The following KATNAL1 variants were observed in gnomAD, a reference collection of about 807,000 sequenced individuals.
KATNAL1 encodes katanin p60 ATPase-containing subunit A-like 1.
KATNAL1 carries 32 observed loss-of-function variants against 55.2 expected under a neutral mutation model. The ratio of observed to expected loss-of-function variants is 0.58; its 90% CI spans 0.44 to 0.78. The LOEUF is 0.78. Among genes scored for constraint, KATNAL1 ranks in the 30% least tolerant of loss-of-function variants. The probability of loss-of-function intolerance (pLI) is 0.00; values close to 1 mark genes in which losing one functional copy is unlikely to be tolerated. For missense variants in KATNAL1, 466 were observed against 600.9 expected (o/e 0.78, Z 2.35); for synonymous variants, 193 against 193.6 (o/e 1.00, Z 0.02).
intron 3 of KATNAL1, 108 bp from the exon 4 acceptor site, chr13:30,255,723 A>C (rs1593896296): frequency 3.3e-5 from 37 of 1,111,576 alleles, no homozygotes; most frequent in Non-Finnish European, 4.2e-5. Flanking sequence ...AAAAAGCCCG[A>C]AAGCTAATTT....
chr13:30,238,890 T>TA (rs1422811356), intron 6 of KATNAL1, among the ~76,000 whole-genome samples: 1 of 152,136 alleles, frequency 6.6e-6, no homozygotes, highest in Non-Finnish European at 1.5e-5. Context: ...GAAAGGCACA[T>TA]ATAAACCTAA....
At chr13:30,244,474 G>A (rs886818747) in intron 4 of KATNAL1, among the ~76,000 whole-genome samples, 6 of 152,086 alleles carry the variant, frequency 3.9e-5, no homozygotes, top group African/African-American at 1.2e-4. Flanking sequence ...GGGTATTTCT[G>A]GTTCTAGATC....
intron 9 of KATNAL1, among the ~76,000 whole-genome samples, chr13:30,226,923 A>C (rs1347119110): frequency 6.6e-6 from 1 of 152,166 alleles, no homozygotes; most frequent in Non-Finnish European, 1.5e-5. Context: ...TAAAAACACC[A>C]AAATTAGCTG....
chr13:30,226,846 G>A (rs752780490), intron 9 of KATNAL1, among the ~76,000 whole-genome samples: 2 of 152,172 alleles, frequency 1.3e-5, no homozygotes, highest in Non-Finnish European at 2.9e-5. Context: ...TGAGGCCGAG[G>A]CGGGAAATCA....
At chr13:30,231,677 G>T (rs1235767568) in intron 6 of KATNAL1, among the ~76,000 whole-genome samples, 2 of 152,052 alleles carry the variant, frequency 1.3e-5, no homozygotes, top group African/African-American at 4.8e-5. Flanking sequence ...CAAGCCAGAG[G>T]TAGTCAGAGA....
Position 30,286,194 on chromosome 13 carries a change from CAA to C in KATNAL1, c.-14-2405_-14-2404del, listed in dbSNP as rs372760186. Among the ~76,000 whole-genome samples the C allele has an allele frequency of 7.2e-5, 11 of 152,330 alleles. No homozygotes were observed. In the East Asian group the frequency reaches 2.1e-3, roughly 29 times the overall value. ...CAGCTGCAGAAATTTGCATAAGTAA[CAA>C]GGAATCAAAAGCTAATCACCAAGAC... is the stretch of plus-strand genomic sequence containing the variant. On this transcript the variant is annotated intron_variant, in intron 1 of 10. Coordinates refer to ENST00000380615, the MANE Select transcript of KATNAL1 (RefSeq NM_032116.5).
chr13:30,301,881 T>A (rs1882878585), intron 1 of KATNAL1, among the ~76,000 whole-genome samples: 2 of 152,344 alleles, frequency 1.3e-5, no homozygotes, highest in East Asian at 3.9e-4. Context: ...TATGTATTTA[T>A]TTATTTTTGA....
chr13:30,302,877 T>C (rs1882949994), intron 1 of KATNAL1, among the ~76,000 whole-genome samples: 1 of 152,176 alleles, frequency 6.6e-6, no homozygotes, highest in Admixed American at 6.5e-5. Context: ...GTTTGATAAA[T>C]GTCCACAAAA....
chr13:30,267,745 A>G (rs1312256793), intron 3 of KATNAL1, among the ~76,000 whole-genome samples: 2 of 152,238 alleles, frequency 1.3e-5, no homozygotes, highest in Non-Finnish European at 2.9e-5. Flanking sequence ...TGATCTTACC[A>G]TAAGGTAAGT....
chr13:30,211,643 C>T (rs1248719755), intron 9 of KATNAL1, among the ~76,000 whole-genome samples: 1 of 152,158 alleles, frequency 6.6e-6, no homozygotes, highest in African/African-American at 2.4e-5. Flanking sequence ...AATTCTCCCC[C>T]AATTGATCTT....
chr13:30,274,907 G>GCGCGCGCGCGCGCGCACACACACACACA (rs869107567), intron 3 of KATNAL1, among the ~76,000 whole-genome samples: 1 of 105,390 alleles, frequency 9.5e-6, no homozygotes, highest in Non-Finnish European at 1.9e-5. Flanking sequence ...GCGCGCGCGC[G>GCGCGCGCGCGCGCGCACACACACACACA]CACACACACA....
At chr13:30,221,919 C>T (rs1874903577) in intron 9 of KATNAL1, among the ~76,000 whole-genome samples, 2 of 152,124 alleles carry the variant, frequency 1.3e-5, no homozygotes, top group Non-Finnish European at 1.5e-5. Flanking sequence ...GGTGCAGTGG[C>T]ACACACCTGT....
At chr13:30,225,149 G>A (rs1593846869) in intron 9 of KATNAL1, among the ~76,000 whole-genome samples, 2 of 152,136 alleles carry the variant, frequency 1.3e-5, no homozygotes, top group Admixed American at 1.3e-4. Context: ...AAGGTTAGGA[G>A]TCTCAGTGGA....
In KATNAL1 at chr13:30,203,555, T is replaced by G. The variant is rs900692622; in HGVS notation, c.*4985A>C. The G allele has an allele frequency of 6.6e-6, 1 of 152,218 alleles. No individual in the cohort carries two copies. The highest frequency in any genetic ancestry group is 1.5e-5 in the Non-Finnish European group (1 of 68,032). 9.4% of individuals were successfully genotyped at this position (152,218 alleles called of 1,614,324 possible). A position where few individuals can be genotyped will look rare whatever the true frequency, so the allele number is the denominator to read the frequency against. ...TTCTCTATACAAATTCCCTATTTTT[T>G]TGTGTCAAATTTCCATATGTACAAA... On this transcript the variant is annotated 3_prime_UTR_variant, in exon 11 of 11. Coordinates refer to ENST00000380615, the MANE Select transcript of KATNAL1 (RefSeq NM_032116.5).
At chr13:30,254,982 C>G (rs927665681) in intron 4 of KATNAL1, among the ~76,000 whole-genome samples, 4 of 152,070 alleles carry the variant, frequency 2.6e-5, no homozygotes, top group Admixed American at 6.6e-5. Context: ...GGGGAATCTT[C>G]TCAAGGAAAA....
intron 1 of KATNAL1, among the ~76,000 whole-genome samples, chr13:30,286,341 T>C (rs1881786548): frequency 6.6e-6 from 1 of 152,232 alleles, no homozygotes; most frequent in African/African-American, 2.4e-5. Flanking sequence ...CTCTGCTGTG[T>C]GCAGCCTCGG....
chr13:30,301,281 A>C (rs950581853), intron 1 of KATNAL1, among the ~76,000 whole-genome samples: 1 of 152,146 alleles, frequency 6.6e-6, no homozygotes, highest in African/African-American at 2.4e-5. Context: ...GAGGCGGCAG[A>C]AGCTTGAACC....
At chr13:30,213,062 C>T (rs557384547) in intron 9 of KATNAL1, among the ~76,000 whole-genome samples, 5 of 152,296 alleles carry the variant, frequency 3.3e-5, no homozygotes, top group Admixed American at 1.3e-4. Context: ...AGTGCAACCA[C>T]CCTGCCTACA....
chr13:30,298,856 C>T (rs1419817645), intron 1 of KATNAL1, among the ~76,000 whole-genome samples: 2 of 151,976 alleles, frequency 1.3e-5, no homozygotes, highest in Non-Finnish European at 2.9e-5. Flanking sequence ...AGAGAAGATC[C>T]ATCATGTATG....
Sources: allele counts gnomAD v4.1 joint callset (sites outside exome capture counted in the v4.1 genomes callset), GRCh38; gene constraint gnomAD v4.1.1; transcripts MANE v1.5; gene names NCBI Gene and HGNC (gene_info 2026-07-23, HGNC 2026-07-21).